RSPH14: variants seen among roughly 807,000 people sequenced by gnomAD.
RSPH14 encodes the protein radial spoke head 14 homolog.
A neutral mutation model predicts 26.7 loss-of-function variants in RSPH14; 20 were observed. The observed-to-expected ratio is 0.75, with a 90% confidence interval of 0.53 to 1.09. The LOEUF is 1.09. Ranked by LOEUF, RSPH14 falls within the 50% of genes least tolerant of loss-of-function variation. RSPH14 has a pLI of 0.00. For missense variants in RSPH14, 449 were observed against 457.2 expected, an observed-to-expected ratio of 0.98 and a Z score of 0.16; for synonymous variants, 177 against 189.3, an observed-to-expected ratio of 0.93 and a Z score of 0.53.
At chr22:23,114,940 G>C (rs1448094042) in intron 4 of RSPH14, among the ~76,000 whole-genome samples, 1 of 152,222 alleles carries the variant, frequency 6.6e-6, no homozygotes, top group Non-Finnish European at 1.5e-5. Flanking sequence ...CTGCCATGAA[G>C]GCATCTCAGA....
Position 23,059,751 on chromosome 22 carries a change from G to C in RSPH14, c.791-33C>G, listed in dbSNP as rs2068052251. 24 of 1,494,804 alleles carry C rather than the reference G, an allele frequency of 1.6e-5. No individual in the cohort carries two copies. In the East Asian group the frequency reaches 5.2e-4, roughly 33 times the overall value. 92.6% of individuals were successfully genotyped at this position (1,494,804 alleles called of 1,614,324 possible). The stretch of plus-strand genomic sequence containing the variant: ...CCACCAACACAAGGCGTTCCAAACA[G>C]CCCAAGGGGCCCTCTTCTCACCCCC... On this transcript the variant is annotated intron_variant, in intron 6 of 6. Coordinates refer to ENST00000216036, the MANE Select transcript of RSPH14 (RefSeq NM_014433.3).
intron 4 of RSPH14, among the ~76,000 whole-genome samples, chr22:23,098,709 A>T (rs1045892589): frequency 6.6e-6 from 1 of 152,262 alleles, no homozygotes; most frequent in African/African-American, 2.4e-5. Flanking sequence ...CTGACCTTTC[A>T]TGCTCTACCA....
rs2070575111 is a variant in RSPH14 at position 23,140,472 on chromosome 22, A to C, written c.-52T>G. ...AAATGAAGCTCTGCAGAAACCACTC[A>C]CTAAAAGAGACCAAAAAGCTGTCAT... On this transcript the variant is annotated splice_region_variant and 5_prime_UTR_variant, in exon 2 of 7. Coordinates refer to ENST00000216036, the MANE Select transcript of RSPH14 (RefSeq NM_014433.3). 1 of 1,583,320 alleles carries C rather than the reference A, an allele frequency of 6.3e-7. No homozygotes were observed. Among genetic ancestry groups the C allele is most frequent in the Admixed American group, 1.8e-5 (1 of 54,482 alleles).
At chr22:23,163,516 C>T in the RSPH14 span, 1 of 152,314 alleles carries the variant, frequency 6.6e-6, no homozygotes, top group Non-Finnish European at 1.5e-5. Flanking sequence ...GCCTGAGCCA[C>T]CGCGTCCGGC....
chr22:23,150,491 C>CG, the RSPH14 span, among the ~76,000 whole-genome samples: 1 of 151,806 alleles, frequency 6.6e-6, no homozygotes, highest in African/African-American at 2.4e-5. Context: ...TTAGTAGAGA[C>CG]GGGGTTTCAC....
intron 4 of RSPH14, among the ~76,000 whole-genome samples, chr22:23,065,042 A>T (rs958462633): frequency 6.6e-6 from 1 of 152,152 alleles, no homozygotes; most frequent in African/African-American, 2.4e-5. Context: ...CCCACTGCCT[A>T]CTGCAAAGCC....
At chr22:23,105,134 C>T (rs1306241466) in intron 4 of RSPH14, among the ~76,000 whole-genome samples, 1 of 152,188 alleles carries the variant, frequency 6.6e-6, no homozygotes, top group Non-Finnish European at 1.5e-5. Flanking sequence ...GCCTTGTATC[C>T]TAAGGTTCCC....
chr22:23,080,358 TTCATCTCATCTCCCCGG>T (rs1372605287), intron 4 of RSPH14, among the ~76,000 whole-genome samples: 1 of 152,052 alleles, frequency 6.6e-6, no homozygotes, highest in African/African-American at 2.4e-5. Context: ...GGCCTCCCTG[TTCATCTCATCTCCCCGG>T]TCATCTCATC....
At chr22:23,076,891 G>A (rs1280991246) in intron 4 of RSPH14, among the ~76,000 whole-genome samples, 2 of 152,232 alleles carry the variant, frequency 1.3e-5, no homozygotes, top group Non-Finnish European at 2.9e-5. Context: ...TAGAAGTCCA[G>A]CTCTGCCTGT....
At chr22:23,155,649 G>A in the RSPH14 span, among the ~76,000 whole-genome samples, 4 of 152,228 alleles carry the variant, frequency 2.6e-5, no homozygotes, top group African/African-American at 9.6e-5. Context: ...AGCGAGTCAT[G>A]TCTTGGGCCG....
At chr22:23,078,564 C>T (rs892952260) in intron 4 of RSPH14, among the ~76,000 whole-genome samples, 4 of 152,218 alleles carry the variant, frequency 2.6e-5, no homozygotes, top group Admixed American at 2.6e-4. Context: ...TGTTCTGGGG[C>T]TCTCCCTCCT....
chr22:23,066,410 TA>T lies in RSPH14; in HGVS notation c.422-2278del, dbSNP rs1210663202. 2.0e-5 allele frequency among the ~76,000 whole-genome samples: 3 copies of T among 152,266 alleles called. No homozygotes were observed. In the South Asian group the frequency reaches 6.2e-4, roughly 32 times the overall value. ...GGCCCAGAGAGGCAACTTGAATACCTAAGGTCACACAGCAGATGGTGGCAAA... is the reference window on the plus strand; with the variant it reads ...GGCCCAGAGAGGCAACTTGAATACCTAGGTCACACAGCAGATGGTGGCAAA... On this transcript the variant is annotated intron_variant, in intron 4 of 6. Coordinates refer to ENST00000216036, the MANE Select transcript of RSPH14 (RefSeq NM_014433.3).
intron 2 of RSPH14, among the ~76,000 whole-genome samples, chr22:23,139,877 A>G (rs1389739437): frequency 1.3e-5 from 2 of 152,190 alleles, no homozygotes; most frequent in African/African-American, 4.8e-5. Context: ...CCTGGGCAAC[A>G]CAGCAAGATC....
chr22:23,064,552 C>A (rs549348939), intron 4 of RSPH14, among the ~76,000 whole-genome samples: 1 of 152,176 alleles, frequency 6.6e-6, no homozygotes, highest in Non-Finnish European at 1.5e-5. Context: ...GCCAAGCCCC[C>A]GCTTCCCATC....
At chr22:23,130,079 GAAAGGAAGAAAGAA>G (rs1308232537) in intron 4 of RSPH14, among the ~76,000 whole-genome samples, 49 of 30,524 alleles carry the variant, frequency 1.6e-3, no homozygotes, top group African/African-American at 7.9e-3. Flanking sequence ...AAGAAAGAAA[GAAAGGAAGAAAGAA>G]AGAAAGAAAG....
At chr22:23,088,536 G>A (rs2068878460) in intron 4 of RSPH14, among the ~76,000 whole-genome samples, 1 of 152,246 alleles carries the variant, frequency 6.6e-6, no homozygotes, top group Admixed American at 6.5e-5. Context: ...CTGAGTCATA[G>A]CCCCGCTTGG....
At chr22:23,060,198 G>A (rs1012776617) in intron 6 of RSPH14, among the ~76,000 whole-genome samples, 1 of 152,090 alleles carries the variant, frequency 6.6e-6, no homozygotes, top group Non-Finnish European at 1.5e-5. Context: ...CCAGCTGGGC[G>A]CGGTGGCTCA....
At chr22:23,081,918 G>A (rs1476634432) in intron 4 of RSPH14, among the ~76,000 whole-genome samples, 3 of 150,818 alleles carry the variant, frequency 2.0e-5, no homozygotes, top group East Asian at 2.0e-4. Flanking sequence ...GAGGTCAGGA[G>A]ATCGAGACCA....
chr22:23,077,809 C>G (rs1358625976), intron 4 of RSPH14, among the ~76,000 whole-genome samples: 1 of 152,182 alleles, frequency 6.6e-6, no homozygotes, highest in Non-Finnish European at 1.5e-5. Context: ...GAACTTGGCA[C>G]CTACAGCCTT....
Sources: allele counts gnomAD v4.1 joint callset (sites outside exome capture counted in the v4.1 genomes callset), GRCh38; gene constraint gnomAD v4.1.1; transcripts MANE v1.5; gene names NCBI Gene and HGNC (gene_info 2026-07-23, HGNC 2026-07-21).